Variants in NXPH2 observed in about 807,000 individuals in gnomAD.
NXPH2 encodes the protein neurexophilin 2.
In NXPH2, 5 loss-of-function variants were observed where a neutral mutation model predicts 19.8. The observed-to-expected ratio is 0.25, with a 90% CI of 0.13 to 0.53. The LOEUF is 0.53. NXPH2 is among the 20% of genes least tolerant of loss of function. NXPH2 has a pLI of 0.96. For missense variants in NXPH2, 289 were observed against 322.8 expected (o/e 0.90, Z 0.80); for synonymous variants, 154 against 127.4 (o/e 1.21, Z -1.41).
chr2:138,757,257 T>G (rs544168990), intron 1 of NXPH2, among the ~76,000 whole-genome samples: 24 of 152,274 alleles, frequency 1.6e-4, no homozygotes, highest in African/African-American at 5.3e-4. Context: ...TTCTCAGAAT[T>G]TCCTTCTATG....
At position 138,747,029 on chromosome 2, in the gene NXPH2, A is replaced by G. The variant is rs1034855292; in HGVS notation, c.51+33162T>C. 3.3e-5 allele frequency among the ~76,000 whole-genome samples: 5 copies of G among 152,314 alleles called. No individual in the cohort carries two copies. In the East Asian group the frequency reaches 7.7e-4, roughly 24 times the overall value. On this transcript the variant is annotated intron_variant, in intron 1 of 1. Coordinates refer to ENST00000272641, the MANE Select transcript of NXPH2 (RefSeq NM_007226.3). ...CCCAAATCAAGGTTTCATCAAATAC[A>G]TTATATTCCCCTCCCACCTAAGGTT...
chr2:138,717,342 T>C (rs1417336699), intron 1 of NXPH2, among the ~76,000 whole-genome samples: 1 of 152,024 alleles, frequency 6.6e-6, no homozygotes, highest in Non-Finnish European at 1.5e-5. Flanking sequence ...ACTGTCTTAG[T>C]CCGTTTTGGC....
chr2:138,760,377 A>G (rs938872044), intron 1 of NXPH2, among the ~76,000 whole-genome samples: 1 of 152,198 alleles, frequency 6.6e-6, no homozygotes, highest in African/African-American at 2.4e-5. Context: ...TGAAACAACA[A>G]CAACAAAAAC....
At chr2:138,714,601 A>G (rs1021238707) in intron 1 of NXPH2, among the ~76,000 whole-genome samples, 1 of 152,204 alleles carries the variant, frequency 6.6e-6, no homozygotes, top group Non-Finnish European at 1.5e-5. Context: ...CAAATTGGAA[A>G]TAACACACAC....
intron 1 of NXPH2, among the ~76,000 whole-genome samples, chr2:138,682,452 AG>A (rs1413336661): frequency 2.0e-5 from 3 of 152,224 alleles, no homozygotes; most frequent in African/African-American, 4.8e-5. Context: ...TGACAAAAAA[AG>A]AATGAAAAAT....
chr2:138,712,806 A>G (rs543329249), intron 1 of NXPH2, among the ~76,000 whole-genome samples: 12 of 152,320 alleles, frequency 7.9e-5, no homozygotes, highest in African/African-American at 2.9e-4. Flanking sequence ...GGAAAACTCC[A>G]TGAAGACTAG....
chr2:138,730,263 T>C (rs1229928603), intron 1 of NXPH2, among the ~76,000 whole-genome samples: 1 of 151,804 alleles, frequency 6.6e-6, no homozygotes, highest in Non-Finnish European at 1.5e-5. Flanking sequence ...GGTGCAATCA[T>C]AGCTCACTGC....
intron 1 of NXPH2, among the ~76,000 whole-genome samples, chr2:138,773,218 C>G (rs1682204977): frequency 6.6e-6 from 1 of 152,188 alleles, no homozygotes; most frequent in Admixed American, 6.5e-5. Flanking sequence ...AACTGAGATA[C>G]AAGCTGGAGA....
chr2:138,729,259 C>T (rs963774234), intron 1 of NXPH2, among the ~76,000 whole-genome samples: 10 of 152,242 alleles, frequency 6.6e-5, no homozygotes, highest in South Asian at 6.2e-4. Context: ...GGGGTGGTTT[C>T]CCTCATGCTA....
intron 1 of NXPH2, among the ~76,000 whole-genome samples, chr2:138,673,843 C>A (rs1208675853): frequency 6.6e-6 from 1 of 151,960 alleles, no homozygotes; most frequent in Non-Finnish European, 1.5e-5. Context: ...ATTTCCCCCA[C>A]CCCACCCTCA....
intron 1 of NXPH2, among the ~76,000 whole-genome samples, chr2:138,733,722 A>G (rs10171162): frequency 0.15 from 22,845 of 152,120 alleles, 2,133 homozygotes; most frequent in African/African-American, 0.25. Context: ...GTGACTATCA[A>G]AGGAGGCTAC....
rs113530133 is a variant in NXPH2 at position 138,676,382 on chromosome 2, T to G, written c.52-4717A>C. ...CTTTTCTACACCAGGTCTACCTAGA[T>G]GGTTATATGACCTAAGTCCCCAGTC... On this transcript the variant is annotated intron_variant, in intron 1 of 1. Coordinates refer to ENST00000272641, the MANE Select transcript of NXPH2 (RefSeq NM_007226.3). Among the ~76,000 whole-genome samples, 265 of 152,310 alleles carry G rather than the reference T, an allele frequency of 1.7e-3. 1 individual carries two copies. Among genetic ancestry groups the G allele is most frequent in the African/African-American group, 6.2e-3 (256 of 41,560 alleles).
intron 1 of NXPH2, among the ~76,000 whole-genome samples, chr2:138,696,461 C>T (rs1404077187): frequency 6.6e-6 from 1 of 152,114 alleles, no homozygotes; most frequent in Non-Finnish European, 1.5e-5. Context: ...ATACATTTCA[C>T]TAAAAATATA....
At chr2:138,737,862 G>A (rs1177111261) in intron 1 of NXPH2, among the ~76,000 whole-genome samples, 1 of 151,926 alleles carries the variant, frequency 6.6e-6, no homozygotes, top group African/African-American at 2.4e-5. Flanking sequence ...ATACCTCGGT[G>A]ATCAACATGA....
chr2:138,736,130 T>C (rs1681534952), intron 1 of NXPH2, among the ~76,000 whole-genome samples: 1 of 152,202 alleles, frequency 6.6e-6, no homozygotes, highest in Non-Finnish European at 1.5e-5. Context: ...GGATCTATCA[T>C]TCTGGGGTCT....
At chr2:138,718,711 T>C (rs1337411771) in intron 1 of NXPH2, among the ~76,000 whole-genome samples, 1 of 152,232 alleles carries the variant, frequency 6.6e-6, no homozygotes, top group Non-Finnish European at 1.5e-5. Context: ...AGTGTCTTAA[T>C]GATATATTTA....
Position 138,751,787 on chromosome 2 carries a change from A to C in NXPH2, c.51+28404T>G, listed in dbSNP as rs531891991. 7.2e-5 allele frequency among the ~76,000 whole-genome samples: 11 copies of C among 152,248 alleles called. No homozygotes were observed. In the East Asian group the frequency reaches 1.7e-3, roughly 24 times the overall value. On this transcript the variant is annotated intron_variant, in intron 1 of 1. Transcript: ENST00000272641. ...CATAATTCTGTTTAGATTTTTTAAA[A>C]TTAATGTTATCATATTTTTTCCAGG...
At chr2:138,686,653 T>C (rs889302346) in intron 1 of NXPH2, among the ~76,000 whole-genome samples, 9 of 152,176 alleles carry the variant, frequency 5.9e-5, no homozygotes, top group South Asian at 2.1e-4. Flanking sequence ...CTGCACCCAT[T>C]AACTCGTCAT....
chr2:138,731,804 C>T (rs145247232), intron 1 of NXPH2, among the ~76,000 whole-genome samples: 311 of 152,122 alleles, frequency 2.0e-3, no homozygotes, highest in African/African-American at 6.8e-3. Flanking sequence ...GACAGTAGAA[C>T]GGCCCTAATC....
Sources: gnomAD v4.1 joint callset for allele counts (sites outside exome capture counted in the v4.1 genomes callset) on GRCh38, gnomAD v4.1.1 for gene constraint, MANE v1.5 for transcripts, NCBI Gene and HGNC (gene_info 2026-07-23, HGNC 2026-07-21) for gene names.